Variants in SEPTIN6 observed in about 807,000 individuals in gnomAD.
SEPTIN6 encodes the protein septin 6, also known as septin-6.
SEPTIN6 carries 8 observed loss-of-function variants against 33.6 expected under a neutral mutation model. That is an observed-to-expected ratio of 0.24 (90% confidence interval 0.14 to 0.43). SEPTIN6 has a LOEUF of 0.43. Ranked by LOEUF, SEPTIN6 falls within the 20% of genes least tolerant of loss-of-function variation. The pLI is 1.00. For synonymous variants in SEPTIN6, 131 were observed against 140.0 expected, an observed-to-expected ratio of 0.94 and a Z score of 0.45; for missense variants, 250 against 340.8, an observed-to-expected ratio of 0.73 and a Z score of 2.10.
intron 8 of SEPTIN6, among the ~76,000 whole-genome samples, chrX:119,632,834 G>A (rs769779845): frequency 9.0e-5 from 10 of 111,403 alleles, no homozygotes; most frequent in Non-Finnish European, 1.9e-4. Context: ...CACCATGTTG[G>A]CCAGGCTGGT....
chrX:119,687,261 TC>T (rs755120347), intron 1 of SEPTIN6, among the ~76,000 whole-genome samples: 1,524 of 105,791 alleles, frequency 0.014, 27 homozygotes, highest in South Asian at 0.12. Flanking sequence ...TTTTTTTTTT[TC>T]TTTTTTGAGA....
At chrX:119,676,110 A>C (rs1483172452) in intron 1 of SEPTIN6, among the ~76,000 whole-genome samples, 2 of 111,943 alleles carry the variant, frequency 1.8e-5, no homozygotes, top group Non-Finnish European at 3.8e-5. Flanking sequence ...ACGCTAATAC[A>C]TGTAACGAGC....
intron 3 of SEPTIN6, among the ~76,000 whole-genome samples, chrX:119,660,800 G>A (rs1276163332): frequency 1.0e-5 from 1 of 98,113 alleles, no homozygotes; most frequent in Non-Finnish European, 2.0e-5. Context: ...AAGCCAAGGC[G>A]GGGGTGAGCG....
At chrX:119,620,809 C>T (rs1405785827) in intron 10 of SEPTIN6, among the ~76,000 whole-genome samples, 9 of 108,259 alleles carry the variant, frequency 8.3e-5, no homozygotes, top group Admixed American at 7.0e-4. Context: ...TTAGTAGCGA[C>T]GGGGGTTTCA....
intron 2 of SEPTIN6, among the ~76,000 whole-genome samples, chrX:119,667,351 G>A (rs1160123705): frequency 9.0e-6 from 1 of 110,650 alleles, no homozygotes; most frequent in Non-Finnish European, 1.9e-5. Context: ...TGGAGGAATG[G>A]GGGCCGGGCA....
rs532099393 is a variant in SEPTIN6 at position 119,689,662 on chromosome X, G to C, written c.30+3414C>G. Among the ~76,000 whole-genome samples the C allele has an allele frequency of 1.5e-4, 17 of 109,908 alleles. No individual in the cohort carries two copies. In the East Asian group the frequency reaches 4.0e-3, roughly 26 times the overall value. The stretch of plus-strand genomic sequence containing the variant: ...TGGCTAATTTTTTGTATTTTTAGTA[G>C]AGATGAGATTTAACCATGTTAGCCA... On this transcript the variant is annotated intron_variant, in intron 1 of 10. Coordinates refer to ENST00000394610, the MANE Select transcript of SEPTIN6 (RefSeq NM_145799.4).
chrX:119,678,753 C>G (rs2054892038), intron 1 of SEPTIN6, among the ~76,000 whole-genome samples: 1 of 110,522 alleles, frequency 9.0e-6, no homozygotes, highest in Non-Finnish European at 1.9e-5. Flanking sequence ...ATGTAGCAGG[C>G]ATCGGAAATT....
intron 1 of SEPTIN6, chrX:119,686,639 C>T: frequency 1.0e-6 from 1 of 962,527 alleles, no homozygotes. Context: ...CAGAAGCCTC[C>T]TCCTGCCAAA....
chrX:119,616,914 C>T (rs1196112742), downstream of SEPTIN6: 1 of 1,078,181 alleles, frequency 9.3e-7, no homozygotes, highest in African/African-American at 1.9e-5. Context: ...GGGAAATCTG[C>T]TGAGAAGGTT....
At chrX:119,643,203 T>C (rs1311840910) in intron 5 of SEPTIN6, among the ~76,000 whole-genome samples, 1 of 110,104 alleles carries the variant, frequency 9.1e-6, no homozygotes, top group Non-Finnish European at 1.9e-5. Context: ...TGGGAGGACA[T>C]TTCCCCTGGA....
At chrX:119,660,475 A>G (rs1245169424) in intron 3 of SEPTIN6, among the ~76,000 whole-genome samples, 2 of 112,075 alleles carry the variant, frequency 1.8e-5, no homozygotes, top group East Asian at 2.8e-4. Context: ...AACAATAGGG[A>G]TATCTTAAAA....
chrX:119,621,355 T>C (rs906205891), intron 10 of SEPTIN6, among the ~76,000 whole-genome samples: 1 of 109,688 alleles, frequency 9.1e-6, no homozygotes, highest in East Asian at 2.9e-4. Flanking sequence ...CAAGTAGAAC[T>C]GATCCCCATT....
Position 119,619,357 on chromosome X carries a change from C to T in SEPTIN6, c.*736G>A, listed in dbSNP as rs774405875. ...TTCAGGTTTATTCTCCCTTTTGCAT[C>T]TGTGGGATACCCAGAGTTAGAGAGA... On this transcript the variant is annotated 3_prime_UTR_variant, in exon 11 of 11. Transcript: ENST00000394610. 3.2e-5 allele frequency: 26 copies of T among 812,114 alleles called. No individual in the cohort carries two copies. The South Asian group carries it at 1.6e-3, about 49-fold the overall frequency. 66.9% of individuals were successfully genotyped at this position (812,114 alleles called of 1,213,427 possible).
chrX:119,648,430 C>T (rs5956137), intron 5 of SEPTIN6, among the ~76,000 whole-genome samples: 6,803 of 111,285 alleles, frequency 0.061, 516 homozygotes, highest in African/African-American at 0.21. Flanking sequence ...GCGAGGCTCC[C>T]GTTTTTCTGC....
At chrX:119,633,287 T>C (rs1177628727) in intron 8 of SEPTIN6, 73 bp downstream of exon 8, 2 of 990,585 alleles carry the variant, frequency 2.0e-6, no homozygotes, top group Admixed American at 2.7e-5. Flanking sequence ...TGTAAAAGCG[T>C]TCCTATTTTT....
chrX:119,645,332 G>A (rs1164648653), intron 5 of SEPTIN6, among the ~76,000 whole-genome samples: 17 of 105,054 alleles, frequency 1.6e-4, no homozygotes, highest in Non-Finnish European at 2.5e-4. Context: ...TCCGCGTCCC[G>A]GGTTCAAGTG....
chrX:119,640,119 G>A (rs1176148206), intron 6 of SEPTIN6, among the ~76,000 whole-genome samples: 1 of 97,052 alleles, frequency 1.0e-5, no homozygotes, highest in African/African-American at 3.9e-5. Context: ...GCCCCAACAC[G>A]TAGTTTTTTT....
At chrX:119,684,192 G>A (rs183358518) in intron 1 of SEPTIN6, among the ~76,000 whole-genome samples, 59 of 111,423 alleles carry the variant, frequency 5.3e-4, no homozygotes, top group African/African-American at 1.3e-3. Flanking sequence ...TGATCCACTC[G>A]CCTCGGCCTC....
chrX:119,670,704 C>T (rs1461719891), intron 2 of SEPTIN6, among the ~76,000 whole-genome samples: 1 of 109,498 alleles, frequency 9.1e-6, no homozygotes, highest in South Asian at 3.9e-4. Flanking sequence ...TTTGGGAGGC[C>T]GAGGCAGGCA....
Sources: gnomAD v4.1 joint callset for allele counts (sites outside exome capture counted in the v4.1 genomes callset) on GRCh38, gnomAD v4.1.1 for gene constraint, MANE v1.5 for transcripts, NCBI Gene and HGNC (gene_info 2026-07-23, HGNC 2026-07-21) for gene names.